The following SPAG1 variants were observed in gnomAD, a reference collection of about 807,000 sequenced individuals.
The protein encoded by SPAG1 is sperm-associated antigen 1.
In SPAG1, 69 loss-of-function variants were observed where a neutral mutation model predicts 100.5. That is an observed-to-expected ratio of 0.69 (90% CI 0.57 to 0.84). The LOEUF (loss-of-function observed/expected upper bound fraction) is 0.84. Among genes scored for constraint, SPAG1 ranks in the 40% least tolerant of loss-of-function variants. The pLI, the probability that SPAG1 is intolerant of heterozygous loss-of-function variation, is 0.00. For missense variants in SPAG1, 955 were observed against 1,133.1 expected (o/e 0.84, Z 2.26); for synonymous variants, 336 against 411.6 (o/e 0.82, Z 2.22).
At chr8:100,224,447 TAGG>T (rs1818418390) in intron 13 of SPAG1, among the ~76,000 whole-genome samples, 1 of 151,898 alleles carries the variant, frequency 6.6e-6, no homozygotes, top group Admixed American at 6.6e-5. Flanking sequence ...GGGGCTGAGG[TAGG>T]AGAACTGCCT....
chr8:100,213,893 AGT>A lies in SPAG1; in HGVS notation c.1512_1513del (p.Ser504ArgfsTer7), dbSNP rs775999750. On this transcript the variant is annotated frameshift_variant, in exon 12 of 19. Coordinates refer to ENST00000388798, the MANE Select transcript of SPAG1 (RefSeq NM_003114.5). LOFTEE classifies it high-confidence loss of function. ...ATGTTACCTAAAAGAAGGAAACTGC[AGT>A]GGCTGCATTCAAGATTGTAACAGGT... ...AACYLKEGNC[S>X]GCIQDCNRAL... is the part of the protein sequence containing the mutation. 2 of 1,602,078 alleles carry A rather than the reference AGT, an allele frequency of 1.2e-6. No homozygotes were observed. Among genetic ancestry groups the A allele is most frequent in the Non-Finnish European group, 1.7e-6 (2 of 1,170,462 alleles).
At chr8:100,217,396 T>A (rs1818046850) in intron 12 of SPAG1, among the ~76,000 whole-genome samples, 1 of 152,172 alleles carries the variant, frequency 6.6e-6, no homozygotes, top group Non-Finnish European at 1.5e-5. Context: ...ATGTCTTACC[T>A]CTGAGGAGCA....
At chr8:100,234,388 G>A (rs142338903) in intron 16 of SPAG1, among the ~76,000 whole-genome samples, 299 of 152,114 alleles carry the variant, frequency 2.0e-3, no homozygotes, top group African/African-American at 6.7e-3. Context: ...CATCTTTCTA[G>A]AAAGTTCTCT....
intron 10 of SPAG1, among the ~76,000 whole-genome samples, chr8:100,200,167 A>G (rs542874322): frequency 1.1e-4 from 17 of 152,198 alleles, no homozygotes; most frequent in Middle Eastern, 3.4e-3. Context: ...TCATTGTTCA[A>G]TTCCCACCTA....
intron 16 of SPAG1, among the ~76,000 whole-genome samples, chr8:100,235,617 ATC>A (rs1202377116): frequency 2.0e-5 from 3 of 152,164 alleles, no homozygotes; most frequent in African/African-American, 7.2e-5. Context: ...AAAGGGAACT[ATC>A]TAGGTTCTGC....
At chr8:100,186,763 G>T (rs2132267428) in intron 7 of SPAG1, among the ~76,000 whole-genome samples, 1 of 152,250 alleles carries the variant, frequency 6.6e-6, no homozygotes, top group East Asian at 1.9e-4. Context: ...AGCAGGGTTG[G>T]TTTTTTCAAG....
intron 14 of SPAG1, among the ~76,000 whole-genome samples, chr8:100,230,618 C>T (rs1156988077): frequency 6.6e-6 from 1 of 152,072 alleles, no homozygotes; most frequent in African/African-American, 2.4e-5. Flanking sequence ...AGAATTATTA[C>T]TTGTATCTTA....
intron 13 of SPAG1, 93 bp downstream of exon 13, chr8:100,220,524 T>G: frequency 9.6e-7 from 1 of 1,041,488 alleles, no homozygotes; most frequent in South Asian, 1.6e-5. Context: ...ATAGATGTGT[T>G]ATCAGTTACT....
At chr8:100,203,742 T>C (rs1169687939) in intron 10 of SPAG1, among the ~76,000 whole-genome samples, 1 of 152,162 alleles carries the variant, frequency 6.6e-6, no homozygotes, top group African/African-American at 2.4e-5. Flanking sequence ...AGGGATTCTG[T>C]CTCTCAGCTT....
intron 9 of SPAG1, 65 bp from the exon 10 acceptor site, chr8:100,194,046 CT>C: frequency 8.5e-7 from 1 of 1,178,990 alleles, no homozygotes; most frequent in Non-Finnish European, 1.2e-6. Flanking sequence ...TGTTTTTAAC[CT>C]GAAAGAATGG....
chr8:100,240,365 G>T (rs966777817), intron 17 of SPAG1, 38 bp from the exon 18 acceptor site: 4 of 1,544,576 alleles, frequency 2.6e-6, no homozygotes, highest in Non-Finnish European at 3.5e-6. Flanking sequence ...GGTGATTGTG[G>T]TTCAGTGTCA....
At chr8:100,217,234 C>T (rs112291123) in intron 12 of SPAG1, among the ~76,000 whole-genome samples, 40 of 152,038 alleles carry the variant, frequency 2.6e-4, no homozygotes, top group Non-Finnish European at 2.8e-4. Flanking sequence ...AGCCACTGTG[C>T]CTGGCCCAAA....
intron 4 of SPAG1, among the ~76,000 whole-genome samples, chr8:100,181,712 T>C (rs921522904): frequency 3.3e-5 from 5 of 152,176 alleles, no homozygotes; most frequent in African/African-American, 1.2e-4. Context: ...CTTCCTTCTA[T>C]TGGAACTTCT....
At chr8:100,172,638 G>A (rs1586401696) in intron 3 of SPAG1, among the ~76,000 whole-genome samples, 1 of 70,226 alleles carries the variant, frequency 1.4e-5, no homozygotes, top group Admixed American at 1.9e-4. Flanking sequence ...AAATATATGT[G>A]TGTGTGTGTG....
At chr8:100,159,208 G>A (rs1815200459) in intron 1 of SPAG1, among the ~76,000 whole-genome samples, 1 of 152,046 alleles carries the variant, frequency 6.6e-6, no homozygotes, top group Non-Finnish European at 1.5e-5. Context: ...ATCCTTCTAA[G>A]GCAACCCATT....
intron 2 of SPAG1, among the ~76,000 whole-genome samples, chr8:100,164,626 T>C (rs1474591766): frequency 6.6e-6 from 1 of 152,204 alleles, no homozygotes; most frequent in Admixed American, 6.5e-5. Context: ...CATTTCGCCA[T>C]GTTGGCCAGG....
chr8:100,211,295 C>A (rs1245807231), intron 10 of SPAG1, among the ~76,000 whole-genome samples: 1 of 152,152 alleles, frequency 6.6e-6, no homozygotes, highest in African/African-American at 2.4e-5. Context: ...GTTTACCTGT[C>A]CAGAGACTAT....
intron 12 of SPAG1, among the ~76,000 whole-genome samples, chr8:100,218,306 TAA>T (rs1220047290): frequency 2.0e-5 from 3 of 151,668 alleles, no homozygotes; most frequent in Admixed American, 1.3e-4. Flanking sequence ...GTTAAAGAAA[TAA>T]ATTTACTGGG....
intron 10 of SPAG1, among the ~76,000 whole-genome samples, chr8:100,196,662 A>T (rs559496808): frequency 6.6e-6 from 1 of 152,098 alleles, no homozygotes; most frequent in South Asian, 2.1e-4. Context: ...ACAGTCTTTT[A>T]CAGAGCAAAG....
Sources: gnomAD v4.1 joint callset for allele counts (sites outside exome capture counted in the v4.1 genomes callset) on GRCh38, gnomAD v4.1.1 for gene constraint, MANE v1.5 for transcripts, NCBI Gene and HGNC (gene_info 2026-07-23, HGNC 2026-07-21) for gene names.